Variants in TPT1 observed in about 807,000 individuals in gnomAD.
The protein encoded by TPT1 is tumor protein, translationally-controlled 1, also known as translationally-controlled tumor protein.
A neutral mutation model predicts 22.8 loss-of-function variants in TPT1; 5 were observed. The observed-to-expected ratio is 0.22, with a 90% CI of 0.11 to 0.46. TPT1 has a LOEUF of 0.46. TPT1 is among the 20% of genes least tolerant of loss of function. The pLI is 0.99. For synonymous variants in TPT1, 89 were observed against 73.6 expected, an observed-to-expected ratio of 1.21 and a Z score of -1.07; for missense variants, 130 against 218.7, an observed-to-expected ratio of 0.59 and a Z score of 2.56.
At chr13:45,340,809 A>G in intron 1 of TPT1, 24 bp from the exon 2 acceptor site, 1 of 1,511,526 alleles carries the variant, frequency 6.6e-7, no homozygotes, top group Non-Finnish European at 8.8e-7. Context: ...AGAGCCGCCC[A>G]TCACCGTGCG....
rs1593557720 is a variant in TPT1, at chr13:45,340,077, G to C, written c.210C>G (p.Val70=). Reference sequence around the variant, plus strand: ...GCAGGTGATGGTTCATGACAATATCGACACCAGTGATTACTGTGCTTTCGG... The same window carrying C: ...GCAGGTGATGGTTCATGACAATATCCACACCAGTGATTACTGTGCTTTCGG... ...EGTESTVITG[V]DIVMNHHLQE... The change falls in exon 3 of 6, where the codon GTC becomes GTG. Residue 70 remains valine (V), a synonymous_variant. Transcript: ENST00000530705. 1 of 1,614,078 alleles carries C rather than the reference G, an allele frequency of 6.2e-7. No individual in the cohort carries two copies. The highest frequency in any genetic ancestry group is 8.5e-7 in the Non-Finnish European group (1 of 1,180,010).
intron 5 of TPT1, 104 bp from the exon 6 acceptor site, chr13:45,337,492 C>T (rs1343650816): frequency 3.1e-6 from 5 of 1,613,962 alleles, no homozygotes; most frequent in Non-Finnish European, 3.4e-6. Context: ...ATGTATTCCC[C>T]AATTCAATCT....
intron 5 of TPT1, chr13:45,338,453 A>G: frequency 2.9e-6 from 3 of 1,046,726 alleles, no homozygotes; most frequent in Non-Finnish European, 4.0e-6. Context: ...TCTGCACTCA[A>G]CGTTTTCCAC....
chr13:45,341,183 G>GCT, upstream of TPT1: 1 of 1,424,592 alleles, frequency 7.0e-7, no homozygotes, highest in Non-Finnish European at 9.7e-7. Flanking sequence ...GGGCGGAAAA[G>GCT]GCCGACTCAG....
At position 45,341,175 on chromosome 13, in the gene TPT1, G is replaced by C; in HGVS notation, c.-106C>G. 1.3e-6 allele frequency: 2 copies of C among 1,488,596 alleles called. No homozygotes were observed. The highest frequency in any genetic ancestry group is 1.8e-6 in the Non-Finnish European group (2 of 1,088,614). 92.2% of individuals were successfully genotyped at this position (1,488,596 alleles called of 1,614,324 possible). On this transcript the variant is annotated 5_prime_UTR_variant, in exon 1 of 6. Transcript: ENST00000530705. ...GGCGCTCGGGGGGAGGGGGGAGCGGGCGGAAAAGGCCGACTCAGCCGCTCC... is the reference window on the plus strand; with the variant it reads ...GGCGCTCGGGGGGAGGGGGGAGCGGCCGGAAAAGGCCGACTCAGCCGCTCC...
chr13:45,335,406 G>T lies in TPT1; in HGVS notation c.*1980C>A, dbSNP rs563767070. ...GAACTGAAAATCTTCAAAACAAGTT[G>T]GAGCAGTGGAGCCCACAAAGTCTCT... On this transcript the variant is annotated 3_prime_UTR_variant, in exon 6 of 6. Coordinates refer to ENST00000530705, the MANE Select transcript of TPT1 (RefSeq NM_003295.4). The T allele has an allele frequency of 6.6e-6, 1 of 152,192 alleles. No homozygotes were observed. The highest frequency in any genetic ancestry group is 1.5e-5 in the Non-Finnish European group (1 of 68,040). 9.4% of individuals were successfully genotyped at this position (152,192 alleles called of 1,614,324 possible). A position where few individuals can be genotyped will look rare whatever the true frequency, so the allele number is the denominator to read the frequency against.
chr13:45,340,669 C>T (rs770958223), intron 2 of TPT1, 43 bp downstream of exon 2: 5 of 1,553,938 alleles, frequency 3.2e-6, no homozygotes, highest in East Asian at 2.3e-5. Context: ...AACCCGAGCC[C>T]GCTCGGCCCG....
At chr13:45,340,669 C>G in intron 2 of TPT1, 43 bp downstream of exon 2, 1 of 1,554,056 alleles carries the variant, frequency 6.4e-7, no homozygotes, top group Non-Finnish European at 8.7e-7. Context: ...AACCCGAGCC[C>G]GCTCGGCCCG....
At chr13:45,339,674 TCC>T in intron 3 of TPT1, 72 bp from the exon 4 acceptor site, 1 of 1,408,128 alleles carries the variant, frequency 7.1e-7, no homozygotes, top group Non-Finnish European at 9.8e-7. Flanking sequence ...GTAAAAAATA[TCC>T]AAGCTTAAAA....
intron 2 of TPT1, chr13:45,340,397 A>C (rs1403141924): frequency 1.2e-6 from 1 of 828,664 alleles, no homozygotes; most frequent in African/African-American, 1.7e-5. Context: ...GGGTCATTAA[A>C]AAGTTGTTTC....
chr13:45,340,859 C>T, intron 1 of TPT1, 74 bp from the exon 2 acceptor site: 1 of 1,464,320 alleles, frequency 6.8e-7, no homozygotes, highest in Non-Finnish European at 9.0e-7. Context: ...CGCCGGCGGC[C>T]GCACGCGGGA....
intron 1 of TPT1, 107 bp downstream of exon 1, chr13:45,340,935 T>C (rs893057750): frequency 2.7e-5 from 41 of 1,539,540 alleles, no homozygotes; most frequent in Non-Finnish European, 3.4e-5. Flanking sequence ...CGCGCTCGGC[T>C]AAGACCGCCG....
At position 45,336,672 on chromosome 13, in the gene TPT1, A is replaced by C. The variant is rs1878723348; in HGVS notation, c.*714T>G. ...CCACGTTCCAATAAAACTGGACTCGAACTTAAATTCCATATCCCACAAGGT... is the reference window on the plus strand; with the variant it reads ...CCACGTTCCAATAAAACTGGACTCGCACTTAAATTCCATATCCCACAAGGT... On this transcript the variant is annotated 3_prime_UTR_variant, in exon 6 of 6. Coordinates refer to ENST00000530705, the MANE Select transcript of TPT1 (RefSeq NM_003295.4). The C allele has an allele frequency of 6.6e-6, 1 of 152,304 alleles. No homozygotes were observed. The highest frequency in any genetic ancestry group is 2.4e-5 in the African/African-American group (1 of 41,470). The allele number at this position is 152,304 out of a possible 1,614,324, so 9.4% of individuals were successfully genotyped here. A position where few individuals can be genotyped will look rare whatever the true frequency, so the allele number is the denominator to read the frequency against.
chr13:45,339,831 G>T (rs1878962063), intron 3 of TPT1, 163 bp downstream of exon 3: 3 of 808,768 alleles, frequency 3.7e-6, no homozygotes, highest in Middle Eastern at 3.0e-4. Flanking sequence ...GCTTCAGTAT[G>T]CTCATATTAT....
chr13:45,337,113 T>C lies in TPT1; in HGVS notation c.*273A>G. The C allele has an allele frequency of 2.0e-6, 1 of 501,722 alleles. No homozygotes were observed. The highest frequency in any genetic ancestry group is 3.6e-6 in the Non-Finnish European group (1 of 279,788). 31.1% of individuals were successfully genotyped at this position (501,722 alleles called of 1,614,324 possible). Reference sequence around the variant, plus strand: ...TAGCCTACAATCAGGCTCTAGCTTCTCCAGGAACACTACAGGATCAATTTA... The same window carrying C: ...TAGCCTACAATCAGGCTCTAGCTTCCCCAGGAACACTACAGGATCAATTTA... On this transcript the variant is annotated 3_prime_UTR_variant, in exon 6 of 6. Coordinates refer to ENST00000530705, the MANE Select transcript of TPT1 (RefSeq NM_003295.4).
rs1878979780 is a variant in TPT1 at position 45,340,065 on chromosome 13, C to T, written c.222G>A (p.Met74Ile). The T allele has an allele frequency of 6.2e-7, 1 of 1,614,086 alleles. No homozygotes were observed. Among genetic ancestry groups the T allele is most frequent in the Non-Finnish European group, 8.5e-7 (1 of 1,180,040 alleles). ...AACTTGTTTCCTGCAGGTGATGGTT[C>T]ATGACAATATCGACACCAGTGATTA... ...STVITGVDIV[M>I]NHHLQETSFT... Residue 74 changes from methionine to isoleucine, a missense_variant, in exon 3 of 6, where the codon ATG becomes ATA. Met to Ile is a conservative substitution (Grantham distance 10, BLOSUM62 1). Coordinates refer to ENST00000530705, the MANE Select transcript of TPT1 (RefSeq NM_003295.4).
At chr13:45,337,737 T>C (rs1878801396) in intron 5 of TPT1, 1 of 618,596 alleles carries the variant, frequency 1.6e-6, no homozygotes, top group East Asian at 2.7e-5. Context: ...CATCTTATAC[T>C]GTTCTAAGTA....
In TPT1 at chr13:45,334,131, C is replaced by T. The variant is rs115429013; in HGVS notation, c.*3255G>A. 0.055 allele frequency: 8,314 copies of T among 152,156 alleles called. 503 individuals are homozygous for T. The highest frequency in any genetic ancestry group is 0.15 in the African/African-American group (6,171 of 41,390). The allele number at this position is 152,156 out of a possible 1,614,324, so 9.4% of individuals were successfully genotyped here. A position where few individuals can be genotyped will look rare whatever the true frequency, so the allele number is the denominator to read the frequency against. On this transcript the variant is annotated 3_prime_UTR_variant, in exon 6 of 6. Transcript: ENST00000530705. ...CTCCCTATGTTGCCCAGGCTGGTCT[C>T]AAACTCCTGACCTCAAGCGATCCTC...
Position 45,340,007 on chromosome 13 carries a change from C to G in TPT1, c.280G>C (p.Asp94His), listed in dbSNP as rs1456084738. The change falls in exon 3 of 6, where the codon GAT becomes CAT. Residue 94 changes from aspartate to histidine, a missense_variant. Physicochemically the swap from Asp to His is moderately conservative, Grantham distance 81. Coordinates refer to ENST00000530705, the MANE Select transcript of TPT1 (RefSeq NM_003295.4). ...TKEAYKKYIK[D>H]YMKSIKGKLE... ...AGTATCACTTACGATTTCATGTAAT[C>G]TTTGATGTACTTCTTGTAGGCTTCT... 1 of 1,613,972 alleles carries G rather than the reference C, an allele frequency of 6.2e-7. No individual in the cohort carries two copies. Among genetic ancestry groups the G allele is most frequent in the African/African-American group, 1.3e-5 (1 of 74,924 alleles).
Sources: allele counts gnomAD v4.1 joint callset, GRCh38; gene constraint gnomAD v4.1.1; transcripts MANE v1.5; gene names NCBI Gene and HGNC (gene_info 2026-07-23, HGNC 2026-07-21).